The following PHEX variants were observed in gnomAD, a reference collection of about 807,000 sequenced individuals.
The protein encoded by PHEX is phosphate regulating endopeptidase X-linked.
PHEX carries 16 observed loss-of-function variants against 68.0 expected under a neutral mutation model. The observed-to-expected ratio is 0.24, with a 90% CI of 0.16 to 0.36. The LOEUF (loss-of-function observed/expected upper bound fraction) is 0.36. Among genes scored for constraint, PHEX ranks in the 10% least tolerant of loss-of-function variants. The pLI is 1.00. For synonymous variants in PHEX, 208 were observed against 205.1 expected (o/e 1.01, Z -0.12); for missense variants, 480 against 575.5 (o/e 0.83, Z 1.70).
intron 10 of PHEX, among the ~76,000 whole-genome samples, chrX:22,114,178 G>A (rs921237497): frequency 1.8e-5 from 2 of 109,909 alleles, no homozygotes; most frequent in African/African-American, 6.6e-5. Context: ...TCGAGCTCCT[G>A]ACCTCAGGTG....
chrX:22,226,660 C>A, intron 19 of PHEX, 152 bp downstream of exon 19: 1 of 525,991 alleles, frequency 1.9e-6, no homozygotes. Flanking sequence ...TCCCCATTGA[C>A]CCTATTACAT....
intron 9 of PHEX, among the ~76,000 whole-genome samples, chrX:22,107,681 T>TGAA (rs1283009765): frequency 8.9e-6 from 1 of 112,201 alleles, no homozygotes; most frequent in African/African-American, 3.2e-5. Flanking sequence ...GCTTCTCTCA[T>TGAA]GAAGCCTACT....
chrX:22,180,976 A>G (rs868432746), intron 14 of PHEX, among the ~76,000 whole-genome samples: 1 of 111,961 alleles, frequency 8.9e-6, no homozygotes, highest in Non-Finnish European at 1.9e-5. Flanking sequence ...GTATATATAT[A>G]CCACATTTTC....
intron 9 of PHEX, among the ~76,000 whole-genome samples, chrX:22,101,899 TC>T (rs1283542055): frequency 9.0e-6 from 1 of 111,557 alleles, no homozygotes; most frequent in Non-Finnish European, 1.9e-5. Context: ...GGCAAATACT[TC>T]CCTGCTCCCT....
At chrX:22,224,401 C>T (rs1329355223) in intron 18 of PHEX, among the ~76,000 whole-genome samples, 4 of 112,000 alleles carry the variant, frequency 3.6e-5, no homozygotes, top group African/African-American at 6.5e-5. Flanking sequence ...TTCTGGAGCA[C>T]GAACTGCACC....
intron 15 of PHEX, among the ~76,000 whole-genome samples, chrX:22,208,592 G>C (rs1934787114): frequency 8.9e-6 from 1 of 112,159 alleles, no homozygotes; most frequent in Admixed American, 9.4e-5. Flanking sequence ...GTGGCACCCA[G>C]ACCAGCCGCA....
intron 14 of PHEX, among the ~76,000 whole-genome samples, chrX:22,179,167 G>T (rs754827232): frequency 3.3e-4 from 37 of 110,893 alleles, no homozygotes; most frequent in Non-Finnish European, 6.4e-4. Flanking sequence ...TCTGTCTGCT[G>T]GTGCTTTTGA....
chrX:22,189,750 G>T (rs1478752439), intron 14 of PHEX, among the ~76,000 whole-genome samples: 1 of 112,174 alleles, frequency 8.9e-6, no homozygotes, highest in Non-Finnish European at 1.9e-5. Flanking sequence ...TTTGCTGACT[G>T]CTGATCCCAG....
chrX:22,212,880 C>G (rs776347762), intron 15 of PHEX, 24 bp from the exon 16 acceptor site: 5 of 1,157,148 alleles, frequency 4.3e-6, no homozygotes, highest in South Asian at 1.8e-5. Context: ...CTCTATATCT[C>G]TTAACATTTT....
At chrX:22,160,897 G>A (rs1933101450) in intron 12 of PHEX, among the ~76,000 whole-genome samples, 1 of 111,293 alleles carries the variant, frequency 9.0e-6, no homozygotes, top group African/African-American at 3.3e-5. Flanking sequence ...ACTTTGGGAG[G>A]CTGAGGTGGA....
At chrX:22,114,036 G>T (rs1012943014) in intron 10 of PHEX, among the ~76,000 whole-genome samples, 8 of 89,588 alleles carry the variant, frequency 8.9e-5, no homozygotes, top group Admixed American at 2.9e-4. Context: ...TGCAACCACC[G>T]CTTCCTGGGT....
chrX:22,075,285 C>CTTTTTTTTT (rs1164944990), intron 3 of PHEX, among the ~76,000 whole-genome samples: 2 of 62,351 alleles, frequency 3.2e-5, no homozygotes, highest in African/African-American at 6.0e-5. Flanking sequence ...CTCTGGGTTG[C>CTTTTTTTTT]TTTTTTTTTT....
intron 12 of PHEX, among the ~76,000 whole-genome samples, chrX:22,167,435 GTCT>G (rs1400089088): frequency 9.4e-6 from 1 of 105,861 alleles, no homozygotes; most frequent in African/African-American, 3.5e-5. Context: ...CAATTTGCAT[GTCT>G]TCTTTTGAGA....
intron 3 of PHEX, 131 bp from the exon 4 acceptor site, chrX:22,076,257 G>C: frequency 1.9e-6 from 1 of 514,813 alleles, no homozygotes; most frequent in East Asian, 3.6e-5. Flanking sequence ...ATCTTTGATA[G>C]ATTTGTCTTT....
intron 3 of PHEX, among the ~76,000 whole-genome samples, chrX:22,053,221 C>A (rs1927919550): frequency 8.9e-6 from 1 of 111,916 alleles, no homozygotes; most frequent in Admixed American, 9.5e-5. Context: ...TGAATACTGT[C>A]AAGATATTTT....
chrX:22,112,189 A>C (rs1931001867), intron 10 of PHEX, among the ~76,000 whole-genome samples: 2 of 110,726 alleles, frequency 1.8e-5, no homozygotes, highest in South Asian at 7.8e-4. Flanking sequence ...CATGTTGCCC[A>C]GGCTTGTCTT....
intron 11 of PHEX, among the ~76,000 whole-genome samples, chrX:22,132,011 G>T (rs1932028481): frequency 8.9e-6 from 1 of 112,169 alleles, no homozygotes; most frequent in Non-Finnish European, 1.9e-5. Context: ...TCCTCACTAT[G>T]GGTGTGGCCT....
At chrX:22,134,188 C>T (rs182209760) in intron 12 of PHEX, among the ~76,000 whole-genome samples, 29 of 112,446 alleles carry the variant, frequency 2.6e-4, no homozygotes, top group African/African-American at 8.1e-4. Context: ...GGACTACAAA[C>T]GTATTTCCTA....
At chrX:22,192,299 C>A (rs1934223161) in intron 15 of PHEX, among the ~76,000 whole-genome samples, 1 of 111,475 alleles carries the variant, frequency 9.0e-6, no homozygotes, top group Non-Finnish European at 1.9e-5. Flanking sequence ...TTGTTCATAC[C>A]ACTACTATCT....
Sources: allele counts gnomAD v4.1 joint callset (sites outside exome capture counted in the v4.1 genomes callset), GRCh38; gene constraint gnomAD v4.1.1; transcripts MANE v1.5; gene names NCBI Gene and HGNC (gene_info 2026-07-23, HGNC 2026-07-21).